The following CLCA2 variants were observed in gnomAD, a reference collection of about 807,000 sequenced individuals.
CLCA2 encodes chloride channel accessory 2, also known as calcium-activated chloride channel regulator 2.
CLCA2 carries 85 observed loss-of-function variants against 82.9 expected under a neutral mutation model. The ratio of observed to expected loss-of-function variants is 1.03; its 90% CI spans 0.86 to 1.23. The LOEUF (loss-of-function observed/expected upper bound fraction) is 1.23. CLCA2 is among the 50% of genes most tolerant of loss of function. CLCA2 has a pLI of 0.00. For synonymous variants in CLCA2, 421 were observed against 391.7 expected, an observed-to-expected ratio of 1.07 and a Z score of -0.88; for missense variants, 1,089 against 1,124.8, an observed-to-expected ratio of 0.97 and a Z score of 0.45.
chr1:86,432,006 G>A (rs1388312450), intron 4 of CLCA2, among the ~76,000 whole-genome samples: 2 of 152,270 alleles, frequency 1.3e-5, no homozygotes, highest in East Asian at 3.9e-4. Context: ...CACGATTTCG[G>A]CTCACTGAAA....
At chr1:86,425,582 G>C in intron 2 of CLCA2, 106 bp downstream of exon 2, 1 of 903,612 alleles carries the variant, frequency 1.1e-6, no homozygotes, top group South Asian at 3.0e-5. Flanking sequence ...CAAATCATCA[G>C]TATTAACAAT....
chr1:86,455,003 C>A, intron 13 of CLCA2, 82 bp from the exon 14 acceptor site: 1 of 767,892 alleles, frequency 1.3e-6, no homozygotes. Context: ...CTTTTTGTTG[C>A]TGTTCTCATT....
In CLCA2 at chr1:86,424,191, C is replaced by A; in HGVS notation, c.-57C>A. On this transcript the variant is annotated 5_prime_UTR_variant, in exon 1 of 14. Coordinates refer to ENST00000370565, the MANE Select transcript of CLCA2 (RefSeq NM_006536.7). ...AAACCATCTGCATCCATATTGAAAACCTGACACAATGTATGCAGCAGGCTC... is the reference window on the plus strand; with the variant it reads ...AAACCATCTGCATCCATATTGAAAAACTGACACAATGTATGCAGCAGGCTC... 6.7e-7 allele frequency: 1 copy of A among 1,503,262 alleles called. No individual in the cohort carries two copies. The highest frequency in any genetic ancestry group is 9.0e-7 in the Non-Finnish European group (1 of 1,113,376). The allele number at this position is 1,503,262 out of a possible 1,614,324, so 93.1% of individuals were successfully genotyped here. A position where few individuals can be genotyped will look rare whatever the true frequency, so the allele number is the denominator to read the frequency against.
At chr1:86,425,521 A>T in intron 2 of CLCA2, 45 bp downstream of exon 2, 7 of 1,440,316 alleles carry the variant, frequency 4.9e-6, no homozygotes, top group Non-Finnish European at 6.5e-6. Context: ...GGGAAAAAAA[A>T]CACCAAAATA....
chr1:86,425,617 G>T, intron 2 of CLCA2, 141 bp downstream of exon 2: 2 of 576,652 alleles, frequency 3.5e-6, no homozygotes, highest in Non-Finnish European at 5.2e-6. Context: ...TGGGCAGAAT[G>T]TTATCAACAA....
At chr1:86,450,797 G>A (rs1662948374) in intron 12 of CLCA2, 64 bp downstream of exon 12, 2 of 1,375,328 alleles carry the variant, frequency 1.5e-6, no homozygotes, top group South Asian at 3.6e-5. Context: ...TGATGGGTAT[G>A]TGTGTACTGG....
intron 2 of CLCA2, among the ~76,000 whole-genome samples, chr1:86,426,950 G>A (rs759745460): frequency 6.6e-6 from 1 of 152,074 alleles, no homozygotes; most frequent in Admixed American, 6.6e-5. Context: ...ATGAGTGAAC[G>A]GAAAGACCAA....
intron 10 of CLCA2, chr1:86,445,627 C>T (rs1480018580): frequency 6.6e-6 from 1 of 152,010 alleles, no homozygotes; most frequent in African/African-American, 2.4e-5. Context: ...TCCCCTCTCC[C>T]ATGGTAGAAT....
chr1:86,425,045 G>A (rs1338678415), intron 1 of CLCA2, among the ~76,000 whole-genome samples: 1 of 152,140 alleles, frequency 6.6e-6, no homozygotes, highest in Non-Finnish European at 1.5e-5. Flanking sequence ...GTGCCCACAG[G>A]TGTGACATGA....
At chr1:86,441,913 A>G (rs1662744273) in intron 9 of CLCA2, among the ~76,000 whole-genome samples, 1 of 152,256 alleles carries the variant, frequency 6.6e-6, no homozygotes, top group Non-Finnish European at 1.5e-5. Context: ...TGCTTCTTCA[A>G]CATCTTTGAA....
Position 86,439,022 on chromosome 1 carries a change from A to C in CLCA2, c.1119A>C (p.Arg373=). 6.2e-7 allele frequency: 1 copy of C among 1,614,120 alleles called. No homozygotes were observed. Among genetic ancestry groups the C allele is most frequent in the Non-Finnish European group, 8.5e-7 (1 of 1,180,000 alleles). The change falls in exon 7 of 14, where the codon CGA becomes CGC. Residue 373 remains arginine, a synonymous_variant. Transcript: ENST00000370565. ...QLHQINSNDD[R]KLLVSYLPTT... is the part of the protein sequence containing the mutation. ...ACCAAATTAACAGCAATGATGATCG[A>C]AAGTTGCTGGTTTCATATCTGCCCA...
At chr1:86,427,210 A>G (rs189616042) in intron 2 of CLCA2, among the ~76,000 whole-genome samples, 354 of 152,252 alleles carry the variant, frequency 2.3e-3, no homozygotes, top group African/African-American at 7.8e-3. Flanking sequence ...TCTATAAGGT[A>G]TAAAGTAACC....
chr1:86,443,858 G>A lies in CLCA2; in HGVS notation c.1560G>A (p.Val520=), dbSNP rs771285918. ...ACACAGTGACTGTGGATAATACTGTGGGCAACGACACTATGTTTCTAGTTA... is the reference window on the plus strand; with the variant it reads ...ACACAGTGACTGTGGATAATACTGTAGGCAACGACACTATGTTTCTAGTTA... ...LKNTVTVDNT[V]GNDTMFLVTW... is the part of the protein sequence containing the mutation. Residue 520 remains valine (V), a synonymous_variant, in exon 10 of 14, where the codon GTG becomes GTA. Coordinates refer to ENST00000370565, the MANE Select transcript of CLCA2 (RefSeq NM_006536.7). 1.2e-6 allele frequency: 2 copies of A among 1,614,016 alleles called. No individual in the cohort carries two copies. Among genetic ancestry groups the A allele is most frequent in the East Asian group, 2.2e-5 (1 of 44,860 alleles).
At chr1:86,441,097 A>G (rs1026940623) in intron 8 of CLCA2, among the ~76,000 whole-genome samples, 2 of 152,250 alleles carry the variant, frequency 1.3e-5, no homozygotes, top group African/African-American at 4.8e-5. Context: ...TTCAGAATAT[A>G]AATGTAAACA....
chr1:86,427,872 G>A (rs563170024), intron 2 of CLCA2, among the ~76,000 whole-genome samples: 3 of 152,218 alleles, frequency 2.0e-5, no homozygotes, highest in South Asian at 2.1e-4. Flanking sequence ...TGGAATGATC[G>A]TTTTGCTGAT....
At position 86,447,525 on chromosome 1, in the gene CLCA2, C is replaced by T. The variant is rs751628545; in HGVS notation, c.1731C>T (p.Tyr577=). The T allele has an allele frequency of 3.1e-6, 5 of 1,613,922 alleles. No individual in the cohort carries two copies. Among genetic ancestry groups the T allele is most frequent in the South Asian group, 1.1e-5 (1 of 91,080 alleles). ...PGTAKPGHWT[Y]TLNNTHHSLQ... is the part of the protein sequence containing the mutation. ...TTTTACAGCCTGGGCACTGGACTTA[C>T]ACCCTGAACAATACCCATCATTCTC... The change falls in exon 11 of 14, where the codon TAC becomes TAT. Residue 577 remains tyrosine, a synonymous_variant. Coordinates refer to ENST00000370565, the MANE Select transcript of CLCA2 (RefSeq NM_006536.7).
chr1:86,439,866 C>A (rs186334180), intron 7 of CLCA2, among the ~76,000 whole-genome samples: 83 of 152,250 alleles, frequency 5.5e-4, no homozygotes, highest in Non-Finnish European at 1.0e-3. Context: ...ATCTCAGAGG[C>A]AAGCCTCTCA....
At position 86,443,868 on chromosome 1, in the gene CLCA2, A is replaced by G. The variant is rs769279873; in HGVS notation, c.1570A>G (p.Thr524Ala). The G allele has an allele frequency of 2.0e-5, 33 of 1,613,978 alleles. No homozygotes were observed. Among genetic ancestry groups the G allele is most frequent in the Admixed American group, 6.7e-5 (4 of 59,996 alleles). ...TGTGGATAATACTGTGGGCAACGAC[A>G]CTATGTTTCTAGTTACGTGGCAGGC... ...VTVDNTVGND[T>A]MFLVTWQASG... is the part of the protein sequence containing the mutation. The change falls in exon 10 of 14, where the codon ACT becomes GCT. Residue 524 changes from threonine (T) to alanine (A), a missense_variant. By Grantham distance (58) the Thr-to-Ala change is moderately conservative. Coordinates refer to ENST00000370565, the MANE Select transcript of CLCA2 (RefSeq NM_006536.7).
chr1:86,453,517 A>G lies in CLCA2; in HGVS notation c.2304A>G (p.Lys768=). ...GPHPDVFPPC[K]IIDLEAVKVE... is the part of the protein sequence containing the mutation. ...ACCCTGATGTGTTTCCACCATGCAA[A>G]ATTATTGACCTGGAAGCTGTAAAAG... The change falls in exon 13 of 14, where the codon AAA becomes AAG. Residue 768 remains lysine (K), a synonymous_variant. Coordinates refer to ENST00000370565, the MANE Select transcript of CLCA2 (RefSeq NM_006536.7). 1 of 1,614,080 alleles carries G rather than the reference A, an allele frequency of 6.2e-7. No homozygotes were observed. Among genetic ancestry groups the G allele is most frequent in the Non-Finnish European group, 8.5e-7 (1 of 1,179,990 alleles).
Sources: gnomAD v4.1 joint callset for allele counts (sites outside exome capture counted in the v4.1 genomes callset) on GRCh38, gnomAD v4.1.1 for gene constraint, MANE v1.5 for transcripts, NCBI Gene and HGNC (gene_info 2026-07-23, HGNC 2026-07-21) for gene names.